Variants in RMND1 observed in about 807,000 individuals in gnomAD.
RMND1 encodes the protein required for meiotic nuclear division 1 homolog.
A neutral mutation model predicts 54.0 loss-of-function variants in RMND1; 41 were observed. That is an observed-to-expected ratio of 0.76 (90% CI 0.59 to 0.98). The LOEUF (loss-of-function observed/expected upper bound fraction) is 0.98. Ranked by LOEUF, RMND1 falls within the 50% of genes least tolerant of loss-of-function variation. The probability of loss-of-function intolerance (pLI) is 0.00; values close to 1 mark genes in which losing one functional copy is unlikely to be tolerated. For synonymous variants in RMND1, 183 were observed against 181.7 expected, an observed-to-expected ratio of 1.01 and a Z score of -0.06; for missense variants, 457 against 532.0, an observed-to-expected ratio of 0.86 and a Z score of 1.39.
chr6:151,409,573 G>A (rs1779742165), intron 10 of RMND1, among the ~76,000 whole-genome samples: 1 of 152,204 alleles, frequency 6.6e-6, no homozygotes, highest in Non-Finnish European at 1.5e-5. Flanking sequence ...TGAGGCCTTT[G>A]CCAAGAACAG....
chr6:151,448,720 G>A (rs1208863557), intron 1 of RMND1, among the ~76,000 whole-genome samples: 2 of 152,114 alleles, frequency 1.3e-5, no homozygotes, highest in Non-Finnish European at 2.9e-5. Flanking sequence ...TCTCAACACA[G>A]CAACCAAAGT....
At chr6:151,409,957 C>T (rs551623769) in intron 10 of RMND1, among the ~76,000 whole-genome samples, 2 of 152,230 alleles carry the variant, frequency 1.3e-5, no homozygotes, top group South Asian at 2.1e-4. Flanking sequence ...CCTCTGTACT[C>T]AACTTTTTAG....
At chr6:151,429,246 C>T (rs887023297) in intron 5 of RMND1, among the ~76,000 whole-genome samples, 2 of 151,894 alleles carry the variant, frequency 1.3e-5, no homozygotes, top group African/African-American at 2.4e-5. Context: ...CTCAGCTACC[C>T]GAGTAGCTGG....
rs542599535 is a variant in RMND1, at chr6:151,415,050, A to G, written c.1200+2229T>C. Reference sequence around the variant, plus strand: ...AAAGAATGGCTAAATAAAGTTCTTGAAAAAAAAAAACAGTAAAAGAAATCT... The same window carrying G: ...AAAGAATGGCTAAATAAAGTTCTTGGAAAAAAAAAACAGTAAAAGAAATCT... On this transcript the variant is annotated intron_variant, in intron 10 of 11. Transcript: ENST00000444024. 8.7e-5 allele frequency among the ~76,000 whole-genome samples: 8 copies of G among 92,084 alleles called. No homozygotes were observed. In the East Asian group the frequency reaches 1.7e-3, roughly 20 times the overall value. The allele number at this position is 92,084 out of a possible 152,430, so 60.4% of individuals were successfully genotyped here. A position where few individuals can be genotyped will look rare whatever the true frequency, so the allele number is the denominator to read the frequency against.
intron 3 of RMND1, among the ~76,000 whole-genome samples, chr6:151,434,409 AT>A (rs11398229): frequency 0.1 from 15,110 of 146,550 alleles, 851 homozygotes; most frequent in Middle Eastern, 0.17. Flanking sequence ...CAAAACTGTG[AT>A]TTTTTTTTTT....
At chr6:151,429,449 A>ATT (rs1780394111) in intron 5 of RMND1, among the ~76,000 whole-genome samples, 1 of 152,100 alleles carries the variant, frequency 6.6e-6, no homozygotes, top group African/African-American at 2.4e-5. Context: ...ATGTAACTGT[A>ATT]TTATATATAT....
rs1780619822 is a variant in RMND1, at chr6:151,436,522, T to C, written c.537A>G (p.Ala179=). 1.2e-6 allele frequency: 2 copies of C among 1,613,944 alleles called. No homozygotes were observed. The highest frequency in any genetic ancestry group is 1.7e-6 in the Non-Finnish European group (2 of 1,179,906). ...DLMHCTAFAT[A]DEYHLGNLSQ... The stretch of plus-strand genomic sequence containing the variant: ...ACAGATTTCCCAGATGATACTCATC[T>C]GCCGTTGCAAATGCTGTGCAGTGCA... Residue 179 remains alanine (A), a synonymous_variant, in exon 3 of 12, where the codon GCA becomes GCG. Transcript: ENST00000444024.
intron 6 of RMND1, among the ~76,000 whole-genome samples, chr6:151,424,407 A>G (rs7757171): frequency 0.016 from 2,476 of 151,718 alleles, 52 homozygotes; most frequent in African/African-American, 0.056. Flanking sequence ...AGCTTGCAGT[A>G]AGCCGAAATC....
In RMND1 at chr6:151,438,335, T is replaced by G. The variant is rs1038353965; in HGVS notation, c.505-1781A>C. On this transcript the variant is annotated intron_variant, in intron 2 of 11. Transcript: ENST00000444024. ...TAGGTGAAATCACAGTACATTAGGT[T>G]GGATGTCAGAATTACTTCTGTGATG... Among the ~76,000 whole-genome samples, 5 of 152,154 alleles carry G rather than the reference T, an allele frequency of 3.3e-5. No homozygotes were observed. In the East Asian group the frequency reaches 9.6e-4, roughly 29 times the overall value.
intron 2 of RMND1, 183 bp from the exon 3 acceptor site, chr6:151,436,737 T>G (rs1780627059): frequency 4.0e-6 from 2 of 497,596 alleles, no homozygotes; most frequent in South Asian, 7.5e-5. Context: ...GGGAGGCAAA[T>G]TTCAGCTCAA....
chr6:151,451,634 A>C (rs1781201662), intron 1 of RMND1, among the ~76,000 whole-genome samples: 1 of 152,212 alleles, frequency 6.6e-6, no homozygotes, highest in East Asian at 1.9e-4. Context: ...TTTTAAAATG[A>C]AATACAAGGC....
chr6:151,442,122 A>C (rs1369462599), intron 2 of RMND1, among the ~76,000 whole-genome samples: 1 of 152,236 alleles, frequency 6.6e-6, no homozygotes, highest in African/African-American at 2.4e-5. Flanking sequence ...GATCATACTA[A>C]GGAAAAATGC....
chr6:151,433,011 T>A, intron 4 of RMND1, 144 bp downstream of exon 4: 1 of 537,870 alleles, frequency 1.9e-6, no homozygotes, highest in Non-Finnish European at 3.3e-6. Context: ...TCTCCTAGAT[T>A]AAATAAGAAT....
rs60862608 is a variant in RMND1 at position 151,412,317 on chromosome 6, A to AT, written c.1200+4961dup. On this transcript the variant is annotated intron_variant, in intron 10 of 11. Coordinates refer to ENST00000444024, the MANE Select transcript of RMND1 (RefSeq NM_017909.4). Reference sequence around the variant, plus strand: ...ACGACTGGCCATAACTTGCTTTTTAATTTTTTTTTTTTTTTAAAGAGATGG... The same window carrying AT: ...ACGACTGGCCATAACTTGCTTTTTAATTTTTTTTTTTTTTTTAAAGAGATGG... Among the ~76,000 whole-genome samples the AT allele has an allele frequency of 9.3e-3, 1,358 of 145,496 alleles. 9 individuals carry two copies. Among genetic ancestry groups the AT allele is most frequent in the Non-Finnish European group, 0.015 (975 of 65,616 alleles).
chr6:151,405,323 A>T, intron 11 of RMND1, 56 bp from the exon 12 acceptor site: 1 of 1,460,558 alleles, frequency 6.8e-7, no homozygotes, highest in Non-Finnish European at 9.6e-7. Context: ...GTACAAACTA[A>T]AATGACTTCC....
chr6:151,407,692 G>C (rs1180930121), intron 10 of RMND1, among the ~76,000 whole-genome samples: 1 of 152,088 alleles, frequency 6.6e-6, no homozygotes, highest in Non-Finnish European at 1.5e-5. Flanking sequence ...AGGATCACGA[G>C]GTCAGGAGAT....
intron 1 of RMND1, among the ~76,000 whole-genome samples, chr6:151,451,710 T>C (rs866745895): frequency 6.6e-6 from 1 of 152,174 alleles, no homozygotes; most frequent in African/African-American, 2.4e-5. Flanking sequence ...GAAAATCGAT[T>C]ACAGCTAGGC....
chr6:151,425,349 C>G (rs1780263364), intron 6 of RMND1, among the ~76,000 whole-genome samples: 1 of 152,076 alleles, frequency 6.6e-6, no homozygotes, highest in South Asian at 2.1e-4. Context: ...CCAGGACAGT[C>G]TTTCTGACGA....
chr6:151,425,803 A>C (rs949780564), intron 6 of RMND1, among the ~76,000 whole-genome samples: 5 of 152,230 alleles, frequency 3.3e-5, no homozygotes, highest in Non-Finnish European at 7.3e-5. Flanking sequence ...AAATGAAATA[A>C]TACATGGAAG....
Sources: allele counts gnomAD v4.1 joint callset (sites outside exome capture counted in the v4.1 genomes callset), GRCh38; gene constraint gnomAD v4.1.1; transcripts MANE v1.5; gene names NCBI Gene and HGNC (gene_info 2026-07-23, HGNC 2026-07-21).